The following RPS6KA6 variants were observed in gnomAD, a reference collection of about 807,000 sequenced individuals.
The protein encoded by RPS6KA6 is ribosomal protein S6 kinase A6, also known as ribosomal protein S6 kinase alpha-6.
A neutral mutation model predicts 65.4 loss-of-function variants in RPS6KA6; 27 were observed. The ratio of observed to expected loss-of-function variants is 0.41; its 90% CI spans 0.30 to 0.57. The LOEUF (loss-of-function observed/expected upper bound fraction) is 0.57, where lower values mean the gene tolerates loss of function less well. Among genes scored for constraint, RPS6KA6 ranks in the 20% least tolerant of loss-of-function variants. RPS6KA6 has a pLI of 0.24. For missense variants in RPS6KA6, 486 were observed against 555.6 expected, an observed-to-expected ratio of 0.87 and a Z score of 1.26; for synonymous variants, 190 against 184.2, an observed-to-expected ratio of 1.03 and a Z score of -0.26.
intron 1 of RPS6KA6, among the ~76,000 whole-genome samples, chrX:84,181,257 A>G (rs766076705): frequency 8.9e-6 from 1 of 112,013 alleles, no homozygotes; most frequent in African/African-American, 3.2e-5. Context: ...TTCAAAACAG[A>G]GTCACTATCT....
chrX:84,159,422 T>C (rs1320568195), intron 2 of RPS6KA6, among the ~76,000 whole-genome samples: 1 of 111,302 alleles, frequency 9.0e-6, no homozygotes, highest in African/African-American at 3.3e-5. Context: ...GTGATATATT[T>C]CTTTTTTCCT....
intron 5 of RPS6KA6, among the ~76,000 whole-genome samples, chrX:84,145,852 C>T (rs963816565): frequency 9.9e-5 from 11 of 111,194 alleles, no homozygotes; most frequent in Non-Finnish European, 2.1e-4. Context: ...ATCAAACCTA[C>T]TGAAAATCTA....
In RPS6KA6 at chrX:84,059,226, G is replaced by A; in HGVS notation, c.*5051C>T. ...GGCTCACCGCAACCTCTGCCTCCCA[G>A]GTTCAAGTGATTCTCCTGTCTCAGC... On this transcript the variant is annotated 3_prime_UTR_variant, in exon 22 of 22. Coordinates refer to ENST00000262752, the MANE Select transcript of RPS6KA6 (RefSeq NM_014496.5). 1.0e-5 allele frequency: 1 copy of A among 99,422 alleles called. No homozygotes were observed. Among genetic ancestry groups the A allele is most frequent in the East Asian group, 3.3e-4 (1 of 3,048 alleles). The allele number at this position is 99,422 out of a possible 1,213,427, so 8.2% of individuals were successfully genotyped here.
chrX:84,087,324 C>T (rs2033946255), intron 20 of RPS6KA6, among the ~76,000 whole-genome samples: 1 of 111,108 alleles, frequency 9.0e-6, no homozygotes, highest in Admixed American at 9.6e-5. Flanking sequence ...GTGCTTCCTT[C>T]GGGAGCTCTT....
chrX:84,122,084 C>T (rs2034680907), intron 8 of RPS6KA6, among the ~76,000 whole-genome samples: 1 of 112,304 alleles, frequency 8.9e-6, no homozygotes, highest in Admixed American at 9.4e-5. Context: ...AATCAAAAAT[C>T]GGGTGAGTAA....
At chrX:84,100,432 T>A (rs1222084978) in intron 18 of RPS6KA6, among the ~76,000 whole-genome samples, 1 of 111,452 alleles carries the variant, frequency 9.0e-6, no homozygotes, top group Non-Finnish European at 1.9e-5. Flanking sequence ...GTTGTTGATA[T>A]GTTCATATGG....
At chrX:84,129,289 A>G (rs2034852011) in intron 8 of RPS6KA6, among the ~76,000 whole-genome samples, 1 of 111,474 alleles carries the variant, frequency 9.0e-6, no homozygotes, top group Non-Finnish European at 1.9e-5. Flanking sequence ...TCAAAACTAC[A>G]ATGAGATATA....
At chrX:84,127,707 G>A (rs1238161783) in intron 8 of RPS6KA6, among the ~76,000 whole-genome samples, 1 of 109,092 alleles carries the variant, frequency 9.2e-6, no homozygotes, top group Non-Finnish European at 1.9e-5. Context: ...CAAAAAGAAG[G>A]ACAAAAACCA....
At chrX:84,138,640 C>A (rs1332379544) in intron 6 of RPS6KA6, among the ~76,000 whole-genome samples, 1 of 112,398 alleles carries the variant, frequency 8.9e-6, no homozygotes, top group African/African-American at 3.2e-5. Flanking sequence ...ATCAAACAAA[C>A]AAAAATCCCT....
intron 6 of RPS6KA6, among the ~76,000 whole-genome samples, chrX:84,139,793 A>C (rs761690209): frequency 8.9e-6 from 1 of 112,515 alleles, no homozygotes; most frequent in African/African-American, 3.2e-5. Flanking sequence ...TGATACTTTT[A>C]AGACATTGGA....
chrX:84,174,216 G>T (rs2035728891), intron 1 of RPS6KA6, among the ~76,000 whole-genome samples: 1 of 111,293 alleles, frequency 9.0e-6, no homozygotes, highest in Non-Finnish European at 1.9e-5. Context: ...TGAACTTTTA[G>T]ATTAAATTAT....
chrX:84,094,934 T>C (rs1169924811), intron 20 of RPS6KA6, among the ~76,000 whole-genome samples: 2 of 112,136 alleles, frequency 1.8e-5, no homozygotes, highest in Admixed American at 9.5e-5. Context: ...ATAATACTAG[T>C]AGTTCTAATC....
intron 20 of RPS6KA6, among the ~76,000 whole-genome samples, chrX:84,072,868 A>G (rs1434808139): frequency 1.8e-5 from 2 of 111,497 alleles, no homozygotes; most frequent in African/African-American, 6.5e-5. Flanking sequence ...ACTATAAAAC[A>G]CTGATGGAAG....
intron 8 of RPS6KA6, among the ~76,000 whole-genome samples, chrX:84,132,240 T>C (rs779096580): frequency 5.4e-5 from 6 of 110,700 alleles, no homozygotes; most frequent in South Asian, 3.9e-4. Context: ...CTGGGCAATA[T>C]AGCAAGACTC....
At chrX:84,144,012 T>C (rs749062501) in intron 6 of RPS6KA6, among the ~76,000 whole-genome samples, 1 of 111,474 alleles carries the variant, frequency 9.0e-6, no homozygotes, top group African/African-American at 3.2e-5. Flanking sequence ...TGCACATACC[T>C]GTAACCATAT....
At chrX:84,107,575 C>G in intron 13 of RPS6KA6, 48 bp downstream of exon 13, 1 of 784,989 alleles carries the variant, frequency 1.3e-6, no homozygotes, top group Non-Finnish European at 1.8e-6. Flanking sequence ...TATTTTTAAA[C>G]TATCTACTTA....
At chrX:84,101,423 A>C (rs2034256809) in intron 18 of RPS6KA6, among the ~76,000 whole-genome samples, 1 of 110,270 alleles carries the variant, frequency 9.1e-6, no homozygotes, top group East Asian at 2.8e-4. Context: ...TCTTCTCCCT[A>C]AGAGCATCAC....
At chrX:84,147,966 A>G (rs2035228862) in intron 4 of RPS6KA6, 76 bp downstream of exon 4, 1 of 572,662 alleles carries the variant, frequency 1.7e-6, no homozygotes, top group African/African-American at 2.4e-5. Flanking sequence ...TATTCACCTT[A>G]TGCAAGTAAT....
chrX:84,064,438 A>C, intron 21 of RPS6KA6, 36 bp from the exon 22 acceptor site: 1 of 1,133,152 alleles, frequency 8.8e-7, no homozygotes, highest in Non-Finnish European at 1.2e-6. Flanking sequence ...ACTAAGTACA[A>C]ATTCTGGAGT....
Sources: gnomAD v4.1 joint callset for allele counts (sites outside exome capture counted in the v4.1 genomes callset) on GRCh38, gnomAD v4.1.1 for gene constraint, MANE v1.5 for transcripts, NCBI Gene and HGNC (gene_info 2026-07-23, HGNC 2026-07-21) for gene names.